CNTNAP5: variants seen among roughly 807,000 people sequenced by gnomAD.
CNTNAP5 encodes the protein contactin-associated protein-like 5.
CNTNAP5 carries 72 observed loss-of-function variants against 150.2 expected under a neutral mutation model. The ratio of observed to expected loss-of-function variants is 0.48; its 90% CI spans 0.40 to 0.58. The LOEUF (loss-of-function observed/expected upper bound fraction) is 0.58. CNTNAP5 is among the 20% of genes least tolerant of loss of function. CNTNAP5 has a pLI of 0.00. For synonymous variants in CNTNAP5, 672 were observed against 619.8 expected, an observed-to-expected ratio of 1.08 and a Z score of -1.25; for missense variants, 1,636 against 1,626.2, an observed-to-expected ratio of 1.01 and a Z score of -0.10.
chr2:124,414,246 G>A (rs1482733373), intron 3 of CNTNAP5, among the ~76,000 whole-genome samples: 1 of 150,478 alleles, frequency 6.6e-6, no homozygotes, highest in African/African-American at 2.5e-5. Flanking sequence ...ATCTTTTCTT[G>A]CTATTCATCC....
chr2:124,207,388 A>G (rs889790498), intron 1 of CNTNAP5, among the ~76,000 whole-genome samples: 1 of 152,224 alleles, frequency 6.6e-6, no homozygotes, highest in African/African-American at 2.4e-5. Flanking sequence ...TTGTTCAGGA[A>G]AAGAACCCTC....
chr2:124,454,807 G>T (rs2104814351), intron 6 of CNTNAP5, among the ~76,000 whole-genome samples: 1 of 152,140 alleles, frequency 6.6e-6, no homozygotes, highest in East Asian at 1.9e-4. Context: ...GGCCAAAAAT[G>T]AAATCAAGAT....
intron 3 of CNTNAP5, among the ~76,000 whole-genome samples, chr2:124,368,620 G>T (rs1690437037): frequency 6.6e-6 from 1 of 152,074 alleles, no homozygotes; most frequent in African/African-American, 2.4e-5. Context: ...AAGGACATAA[G>T]AAAGAATGAG....
intron 13 of CNTNAP5, among the ~76,000 whole-genome samples, chr2:124,675,053 A>T (rs1038983214): frequency 1.3e-5 from 2 of 152,018 alleles, no homozygotes; most frequent in Non-Finnish European, 2.9e-5. Flanking sequence ...AGAGTGTTGG[A>T]TTCTCAACCA....
intron 3 of CNTNAP5, among the ~76,000 whole-genome samples, chr2:124,310,908 T>C (rs1688812897): frequency 6.6e-6 from 1 of 152,162 alleles, no homozygotes; most frequent in Non-Finnish European, 1.5e-5. Context: ...TGCAAGTGCC[T>C]AACCATGCTG....
intron 6 of CNTNAP5, among the ~76,000 whole-genome samples, chr2:124,466,527 C>G (rs1457234437): frequency 6.6e-6 from 1 of 152,072 alleles, no homozygotes; most frequent in African/African-American, 2.4e-5. Flanking sequence ...TCATGCTTCA[C>G]AAAAAGTAAG....
At chr2:124,789,291 A>G (rs1014408436) in intron 17 of CNTNAP5, among the ~76,000 whole-genome samples, 8 of 152,122 alleles carry the variant, frequency 5.3e-5, no homozygotes, top group African/African-American at 1.9e-4. Context: ...CTGAAGTTTT[A>G]CTCTTAAACT....
chr2:124,653,892 C>T (rs1252463837), intron 13 of CNTNAP5, among the ~76,000 whole-genome samples: 2 of 140,740 alleles, frequency 1.4e-5, no homozygotes, highest in Non-Finnish European at 3.1e-5. Flanking sequence ...AAGACAGAAA[C>T]ATGCCCCCAC....
At chr2:124,695,091 C>T (rs532110725) in intron 13 of CNTNAP5, among the ~76,000 whole-genome samples, 19 of 152,156 alleles carry the variant, frequency 1.2e-4, no homozygotes, top group South Asian at 4.2e-4. Context: ...TTTTCTCCAT[C>T]GCTTTCTTCA....
intron 12 of CNTNAP5, among the ~76,000 whole-genome samples, chr2:124,615,126 T>C (rs1677468249): frequency 6.6e-6 from 1 of 152,236 alleles, no homozygotes. Context: ...TAGTGGCTGC[T>C]AACTGATTAG....
chr2:124,437,955 G>T (rs1692576114), intron 5 of CNTNAP5, among the ~76,000 whole-genome samples: 1 of 152,136 alleles, frequency 6.6e-6, no homozygotes, highest in Admixed American at 6.6e-5. Flanking sequence ...TTTCTAATCA[G>T]TTACTTGCAA....
chr2:124,454,934 C>T (rs574666032), intron 6 of CNTNAP5, among the ~76,000 whole-genome samples: 2 of 152,040 alleles, frequency 1.3e-5, no homozygotes, highest in Admixed American at 6.5e-5. Context: ...ACAACTACAT[C>T]AAAAAGTCTC....
intron 3 of CNTNAP5, among the ~76,000 whole-genome samples, chr2:124,359,288 T>C (rs1356643748): frequency 1.3e-5 from 2 of 151,130 alleles, no homozygotes; most frequent in East Asian, 4.0e-4. Flanking sequence ...GAAGGGTTTT[T>C]TGTGTCTCTA....
chr2:124,855,203 G>A (rs959595500), intron 19 of CNTNAP5, among the ~76,000 whole-genome samples: 1 of 68,614 alleles, frequency 1.5e-5, no homozygotes, highest in African/African-American at 4.8e-5. Context: ...TTTTGACAGA[G>A]TTTTGCTCTT....
intron 13 of CNTNAP5, among the ~76,000 whole-genome samples, chr2:124,732,452 G>T (rs1036290983): frequency 6.6e-6 from 1 of 152,056 alleles, no homozygotes; most frequent in East Asian, 1.9e-4. Context: ...AAGTTCTCAC[G>T]CATAGGATTA....
At chr2:124,058,292 G>C (rs1573723697) in intron 1 of CNTNAP5, among the ~76,000 whole-genome samples, 1 of 152,166 alleles carries the variant, frequency 6.6e-6, no homozygotes, top group South Asian at 2.1e-4. Flanking sequence ...GCTTTTGACT[G>C]TCTCTCCAGC....
intron 3 of CNTNAP5, among the ~76,000 whole-genome samples, chr2:124,309,998 G>A (rs752124966): frequency 6.6e-6 from 1 of 151,920 alleles, no homozygotes; most frequent in Non-Finnish European, 1.5e-5. Flanking sequence ...AAGGTGGCTA[G>A]CTTACACAGT....
chr2:124,313,807 G>T (rs1688892103), intron 3 of CNTNAP5, among the ~76,000 whole-genome samples: 1 of 152,172 alleles, frequency 6.6e-6, no homozygotes, highest in Admixed American at 6.5e-5. Context: ...GGGAGTGATG[G>T]TGCGAGGGAT....
At chr2:124,461,987 T>C (rs1352943976) in intron 6 of CNTNAP5, among the ~76,000 whole-genome samples, 4 of 151,450 alleles carry the variant, frequency 2.6e-5, no homozygotes, top group Non-Finnish European at 5.9e-5. Flanking sequence ...AAAATAAAAA[T>C]AAAATAAAGA....
Sources: gnomAD v4.1 joint callset for allele counts (sites outside exome capture counted in the v4.1 genomes callset) on GRCh38, gnomAD v4.1.1 for gene constraint, MANE v1.5 for transcripts, NCBI Gene and HGNC (gene_info 2026-07-23, HGNC 2026-07-21) for gene names.